Variants in TBL1X observed in about 807,000 individuals in gnomAD.
TBL1X encodes F-box-like/WD repeat-containing protein TBL1X.
A neutral mutation model predicts 50.7 loss-of-function variants in TBL1X; 10 were observed. The observed-to-expected ratio is 0.20, with a 90% CI of 0.12 to 0.33. The LOEUF is 0.33. Among genes scored for constraint, TBL1X ranks in the 10% least tolerant of loss-of-function variants. The probability of loss-of-function intolerance (pLI) is 1.00; values close to 1 mark genes in which losing one functional copy is unlikely to be tolerated. For missense variants in TBL1X, 340 were observed against 504.4 expected (o/e 0.67, Z 3.12); for synonymous variants, 190 against 214.7 (o/e 0.88, Z 1.01).
intron 5 of TBL1X, among the ~76,000 whole-genome samples, chrX:9,677,744 G>A (rs779623522): frequency 9.0e-6 from 1 of 111,627 alleles, no homozygotes; most frequent in Admixed American, 9.5e-5. Flanking sequence ...TCTTTCAATG[G>A]CATTAGCCTC....
intron 16 of TBL1X, among the ~76,000 whole-genome samples, chrX:9,712,250 G>C: frequency 8.9e-6 from 1 of 112,927 alleles, no homozygotes; most frequent in Admixed American, 9.3e-5. Flanking sequence ...TTACGGAGCA[G>C]ACCAGGGAGT....
intron 2 of TBL1X, among the ~76,000 whole-genome samples, chrX:9,612,479 T>C (rs1171938618): frequency 8.9e-6 from 1 of 112,213 alleles, no homozygotes; most frequent in African/African-American, 3.2e-5. Context: ...CAACATCTTT[T>C]TTACTGTGTA....
At chrX:9,479,966 T>TGTGTGTGTGTGTGTGTGTGTGTGTGTGTG (rs1379486417) in intron 1 of TBL1X, among the ~76,000 whole-genome samples, 2 of 32,012 alleles carry the variant, frequency 6.2e-5, no homozygotes, top group African/African-American at 2.5e-4. Context: ...GTGTGTGTGT[T>TGTGTGTGTGTGTGTGTGTGTGTGTGTGTG]TGAGATGGAG....
intron 2 of TBL1X, among the ~76,000 whole-genome samples, chrX:9,622,996 A>G (rs1235659672): frequency 1.8e-5 from 2 of 111,671 alleles, no homozygotes; most frequent in African/African-American, 6.5e-5. Context: ...GCATATACCT[A>G]GAAGTGGACT....
chrX:9,701,126 A>G (rs761025470), intron 12 of TBL1X, among the ~76,000 whole-genome samples: 1 of 110,999 alleles, frequency 9.0e-6, no homozygotes, highest in African/African-American at 3.3e-5. Context: ...CTACAGGCAA[A>G]TTGCACCAGT....
intron 2 of TBL1X, among the ~76,000 whole-genome samples, chrX:9,546,373 G>C (rs1247328084): frequency 1.8e-5 from 2 of 111,572 alleles, no homozygotes; most frequent in Non-Finnish European, 1.9e-5. Flanking sequence ...AATTAGCTGG[G>C]CGTGGTGGCG....
chrX:9,690,675 G>A (rs1240555342), intron 7 of TBL1X, among the ~76,000 whole-genome samples: 5 of 112,011 alleles, frequency 4.5e-5, no homozygotes, highest in Non-Finnish European at 7.5e-5. Context: ...GTGGCTGTGT[G>A]CCAGTCACAC....
chrX:9,697,327 C>G (rs376330310), intron 11 of TBL1X, 42 bp from the exon 12 acceptor site: 4 of 1,200,741 alleles, frequency 3.3e-6, no homozygotes, highest in Non-Finnish European at 4.5e-6. Context: ...GAAAACTTTG[C>G]CAGAATAGTT....
chrX:9,691,849 T>C, intron 8 of TBL1X, 138 bp downstream of exon 8: 2 of 926,731 alleles, frequency 2.2e-6, no homozygotes, highest in Non-Finnish European at 3.0e-6. Context: ...AAGGAATGGG[T>C]GGCTCTATGA....
chrX:9,508,655 C>G (rs1381017846), intron 2 of TBL1X, among the ~76,000 whole-genome samples: 5 of 111,739 alleles, frequency 4.5e-5, no homozygotes, highest in African/African-American at 1.6e-4. Context: ...TCTTATAGCA[C>G]TATTTACAAT....
chrX:9,687,132 C>A (rs1429451931), intron 6 of TBL1X, among the ~76,000 whole-genome samples: 1 of 112,445 alleles, frequency 8.9e-6, no homozygotes, highest in East Asian at 2.8e-4. Flanking sequence ...ATTCGAATAT[C>A]TGGCGTGTTT....
intron 2 of TBL1X, among the ~76,000 whole-genome samples, chrX:9,534,138 G>A (rs2082176326): frequency 8.9e-6 from 1 of 111,836 alleles, no homozygotes; most frequent in South Asian, 3.8e-4. Context: ...CTAAAGACTA[G>A]CCAGAGAGAT....
chrX:9,694,752 T>A (rs2083120855), intron 11 of TBL1X, among the ~76,000 whole-genome samples: 1 of 110,600 alleles, frequency 9.0e-6, no homozygotes, highest in Non-Finnish European at 1.9e-5. Context: ...GGCAGGCAGA[T>A]CACCTGAGGT....
At chrX:9,567,410 T>C (rs989313828) in intron 2 of TBL1X, among the ~76,000 whole-genome samples, 2 of 110,925 alleles carry the variant, frequency 1.8e-5, no homozygotes, top group African/African-American at 6.6e-5. Flanking sequence ...AGAGTGAAAT[T>C]GGCCCGTTGA....
At chrX:9,598,659 G>A (rs368297951) in intron 2 of TBL1X, among the ~76,000 whole-genome samples, 4 of 112,083 alleles carry the variant, frequency 3.6e-5, no homozygotes, top group African/African-American at 6.5e-5. Flanking sequence ...ATAACAAAGC[G>A]CTGCTGGAGT....
intron 2 of TBL1X, among the ~76,000 whole-genome samples, chrX:9,597,704 G>A (rs1281650554): frequency 3.6e-5 from 4 of 112,435 alleles, no homozygotes; most frequent in Non-Finnish European, 7.5e-5. Context: ...TGTCCTTTAG[G>A]AACGGTGCTA....
At chrX:9,657,404 A>G (rs762982674) in intron 5 of TBL1X, among the ~76,000 whole-genome samples, 72 of 112,224 alleles carry the variant, frequency 6.4e-4, no homozygotes, top group African/African-American at 2.2e-3. Context: ...CTCCTTCACC[A>G]GTGCCTCTCT....
At position 9,634,352 on chromosome X, in the gene TBL1X, A is replaced by G. The variant is rs182918857; in HGVS notation, c.-130-5921A>G. ...ACAGCGCTCCCTCACACGCTCCTGT[A>G]CACATGGAAACCACCACTGCCGTCG... On this transcript the variant is annotated intron_variant, in intron 2 of 17. Transcript: ENST00000645353. Among the ~76,000 whole-genome samples the G allele has an allele frequency of 4.2e-3, 467 of 111,166 alleles. 2 individuals are homozygous for G. Among genetic ancestry groups the G allele is most frequent in the African/African-American group, 0.014 (442 of 30,539 alleles).
intron 2 of TBL1X, among the ~76,000 whole-genome samples, chrX:9,625,088 A>T (rs2082685791): frequency 8.9e-6 from 1 of 112,734 alleles, no homozygotes; most frequent in Non-Finnish European, 1.9e-5. Flanking sequence ...CCTTTTAAAA[A>T]AATGGCTCAA....
Sources: allele counts gnomAD v4.1 joint callset (sites outside exome capture counted in the v4.1 genomes callset), GRCh38; gene constraint gnomAD v4.1.1; transcripts MANE v1.5; gene names NCBI Gene and HGNC (gene_info 2026-07-23, HGNC 2026-07-21).